TP63: variants seen among roughly 807,000 people sequenced by gnomAD.
TP63 encodes tumor protein 63.
Under a neutral mutation model 82.8 loss-of-function variants are expected in TP63, and 17 were observed. That is an observed-to-expected ratio of 0.21 (90% CI 0.14 to 0.31). The LOEUF (loss-of-function observed/expected upper bound fraction) is 0.31, where lower values mean the gene tolerates loss of function less well. Among genes scored for constraint, TP63 ranks in the 10% least tolerant of loss-of-function variants. TP63 has a pLI of 1.00. For synonymous variants in TP63, 330 were observed against 321.7 expected, an observed-to-expected ratio of 1.03 and a Z score of -0.28; for missense variants, 648 against 895.3, an observed-to-expected ratio of 0.72 and a Z score of 3.52.
intron 1 of TP63, among the ~76,000 whole-genome samples, chr3:189,735,064 C>A (rs1262209902): frequency 1.3e-5 from 2 of 152,138 alleles, no homozygotes; most frequent in East Asian, 3.9e-4. Context: ...TGCGAATGAC[C>A]TCCTTATGTC....
At chr3:189,753,500 C>T (rs4456839) in intron 3 of TP63, among the ~76,000 whole-genome samples, 99,625 of 151,676 alleles carry the variant, frequency 0.66, 33,356 homozygotes, top group African/African-American at 0.78. Context: ...GTTTGCAAGG[C>T]AAATTTTTTC....
chr3:189,708,907 C>T (rs1577279912), intron 1 of TP63, among the ~76,000 whole-genome samples: 1 of 152,192 alleles, frequency 6.6e-6, no homozygotes, highest in East Asian at 1.9e-4. Context: ...GAGTTAAGAG[C>T]CTTTACGTTG....
chr3:189,626,723 A>G (rs545743812), upstream of TP63, among the ~76,000 whole-genome samples: 59 of 152,300 alleles, frequency 3.9e-4, no homozygotes, highest in African/African-American at 1.4e-3. Flanking sequence ...TCTTAAGCTG[A>G]ATAGCTGAAG....
chr3:189,696,663 C>A (rs761304649), intron 1 of TP63, among the ~76,000 whole-genome samples: 14 of 152,104 alleles, frequency 9.2e-5, no homozygotes, highest in Non-Finnish European at 2.1e-4. Flanking sequence ...GCATTCTCAC[C>A]AGCAATGAAT....
chr3:189,636,409 G>C (rs1729783430), intron 1 of TP63, among the ~76,000 whole-genome samples: 1 of 152,058 alleles, frequency 6.6e-6, no homozygotes, highest in African/African-American at 2.4e-5. Context: ...CTCATTTACT[G>C]TTCACAACTA....
chr3:189,607,990 C>G, the TP63 span, among the ~76,000 whole-genome samples: 15 of 140,884 alleles, frequency 1.1e-4, no homozygotes, highest in Non-Finnish European at 2.0e-4. Context: ...TCAGCCCTTA[C>G]AAACAGAGCA....
intron 1 of TP63, among the ~76,000 whole-genome samples, chr3:189,711,077 C>T (rs1231686830): frequency 6.6e-6 from 1 of 152,100 alleles, no homozygotes; most frequent in African/African-American, 2.4e-5. Context: ...GTTACAGTGC[C>T]CATGTCTAAG....
At chr3:189,868,743 G>A (rs1718042083) in intron 8 of TP63, 27 bp downstream of exon 8, 2 of 1,613,760 alleles carry the variant, frequency 1.2e-6, no homozygotes, top group Non-Finnish European at 1.7e-6. Context: ...GCCAAATGGG[G>A]TAGGGTTGAA....
At chr3:189,862,886 G>A (rs182342092) in intron 4 of TP63, among the ~76,000 whole-genome samples, 237 of 152,310 alleles carry the variant, frequency 1.6e-3, no homozygotes, top group Non-Finnish European at 2.2e-3. Context: ...ATGGCCTGCG[G>A]ACATGGAGGA....
chr3:189,808,363 C>G lies in TP63; in HGVS notation c.416C>G (p.Ala139Gly). The change falls in exon 4 of 14, where the codon GCG becomes GGG. Residue 139 changes from alanine to glycine, a missense_variant. By Grantham distance (60) the Ala-to-Gly change is moderately conservative (BLOSUM62 0). Coordinates refer to ENST00000264731, the MANE Select transcript of TP63 (RefSeq NM_003722.5). Reference protein sequence around the residue: ...SSTSPYNTDHAQNSVTAPSPY... With the variant: ...SSTSPYNTDHGQNSVTAPSPY... ...ACCAGTCCCTATAACACAGACCACG[C>G]GCAGAACAGCGTCACGGCGCCCTCG... is the stretch of plus-strand genomic sequence containing the variant. The G allele has an allele frequency of 6.2e-7, 1 of 1,614,198 alleles. No homozygotes were observed. The highest frequency in any genetic ancestry group is 8.5e-7 in the Non-Finnish European group (1 of 1,180,048).
chr3:189,825,276 A>T (rs1031908912), intron 4 of TP63, among the ~76,000 whole-genome samples: 1 of 152,256 alleles, frequency 6.6e-6, no homozygotes, highest in Non-Finnish European at 1.5e-5. Flanking sequence ...AGGCATATAC[A>T]TTCACAGCGT....
intron 4 of TP63, among the ~76,000 whole-genome samples, chr3:189,851,891 G>A (rs1268300290): frequency 6.6e-6 from 1 of 152,174 alleles, no homozygotes; most frequent in Non-Finnish European, 1.5e-5. Context: ...TTGTCTTGGA[G>A]CACACAGTTA....
intron 1 of TP63, among the ~76,000 whole-genome samples, chr3:189,687,026 G>T (rs1035538707): frequency 7.2e-5 from 11 of 152,084 alleles, no homozygotes; most frequent in Non-Finnish European, 1.5e-4. Context: ...ACCGCGCCTG[G>T]CCAAGGGTCA....
chr3:189,793,479 G>A (rs982986498), intron 3 of TP63, among the ~76,000 whole-genome samples: 6 of 152,010 alleles, frequency 3.9e-5, no homozygotes, highest in African/African-American at 4.8e-5. Flanking sequence ...TAGATTCTGC[G>A]TTCTGCTATA....
At chr3:189,655,423 G>C (rs1038294719) in intron 1 of TP63, among the ~76,000 whole-genome samples, 5 of 152,074 alleles carry the variant, frequency 3.3e-5, no homozygotes, top group African/African-American at 1.2e-4. Context: ...TCAAGAGTTC[G>C]AGGCCAGGCT....
intron 3 of TP63, among the ~76,000 whole-genome samples, chr3:189,783,788 A>T (rs1372443438): frequency 1.3e-5 from 2 of 151,872 alleles, no homozygotes; most frequent in African/African-American, 2.4e-5. Context: ...TTTTTCATTT[A>T]TAAAGTTGGA....
At chr3:189,866,343 C>A (rs550411234) in intron 5 of TP63, among the ~76,000 whole-genome samples, 1 of 152,154 alleles carries the variant, frequency 6.6e-6, no homozygotes, top group East Asian at 1.9e-4. Flanking sequence ...ATTTCCCTTT[C>A]ATTTTCCAGG....
At chr3:189,657,468 T>C (rs1333095327) in intron 1 of TP63, among the ~76,000 whole-genome samples, 1 of 152,068 alleles carries the variant, frequency 6.6e-6, no homozygotes, top group Non-Finnish European at 1.5e-5. Context: ...TAAGTAACTT[T>C]AGAAATAAAT....
At position 189,748,965 on chromosome 3, in the gene TP63, A is replaced by C. The variant is rs543976893; in HGVS notation, c.324+10191A>C. On this transcript the variant is annotated intron_variant, in intron 3 of 13. Coordinates refer to ENST00000264731, the MANE Select transcript of TP63 (RefSeq NM_003722.5). Reference sequence around the variant, plus strand: ...CACTCTTCAATAAGTGGTACTGGGAAAATTGGATATTCATATGCAGAAGAA... The same window carrying C: ...CACTCTTCAATAAGTGGTACTGGGACAATTGGATATTCATATGCAGAAGAA... 9.2e-5 allele frequency among the ~76,000 whole-genome samples: 14 copies of C among 152,242 alleles called. No individual in the cohort carries two copies. In the East Asian group the frequency reaches 2.7e-3, roughly 29 times the overall value.
Sources: allele counts gnomAD v4.1 joint callset (sites outside exome capture counted in the v4.1 genomes callset), GRCh38; gene constraint gnomAD v4.1.1; transcripts MANE v1.5; gene names NCBI Gene and HGNC (gene_info 2026-07-23, HGNC 2026-07-21).